Variants in ACADM observed in about 807,000 individuals in gnomAD.
ACADM encodes medium-chain specific acyl-CoA dehydrogenase, mitochondrial.
Under a neutral mutation model 58.9 loss-of-function variants are expected in ACADM, and 49 were observed. That is an observed-to-expected ratio of 0.83 (90% CI 0.66 to 1.06). The LOEUF (loss-of-function observed/expected upper bound fraction) is 1.06. ACADM is among the 50% of genes least tolerant of loss of function. The pLI is 0.00. For missense variants in ACADM, 496 were observed against 507.0 expected, an observed-to-expected ratio of 0.98 and a Z score of 0.21; for synonymous variants, 160 against 157.7, an observed-to-expected ratio of 1.01 and a Z score of -0.11.
chr1:75,726,929 C>T (rs1432604172), intron 1 of ACADM, among the ~76,000 whole-genome samples: 1 of 151,646 alleles, frequency 6.6e-6, no homozygotes, highest in Non-Finnish European at 1.5e-5. Flanking sequence ...CTCAGCGTCC[C>T]GAGTAGCTGG....
Position 75,745,860 on chromosome 1 carries a change from C to T in ACADM, c.654C>T (p.Ala218=), listed in dbSNP as rs1490104305. 1.2e-6 allele frequency: 2 copies of T among 1,613,804 alleles called. No homozygotes were observed. Among genetic ancestry groups the T allele is most frequent in the South Asian group, 1.1e-5 (1 of 91,078 alleles). ...DPDPKAPANK[A]FTGFIVEADT... ...ATCCTAAAGCTCCTGCTAATAAAGC[C>T]TTTACTGGATTCATTGTGGAAGCAG... Residue 218 remains alanine, a synonymous_variant, in exon 8 of 12, where the codon GCC becomes GCT. Coordinates refer to ENST00000370841, the MANE Select transcript of ACADM (RefSeq NM_000016.6).
intron 6 of ACADM, among the ~76,000 whole-genome samples, chr1:75,739,496 T>C (rs1647447614): frequency 6.6e-6 from 1 of 152,226 alleles, no homozygotes; most frequent in African/African-American, 2.4e-5. Flanking sequence ...CTATGCCTAA[T>C]TTGAATTATA....
chr1:75,724,822 G>C lies in ACADM; in HGVS notation c.30+5G>C. The C allele has an allele frequency of 6.7e-7, 1 of 1,493,616 alleles. No individual in the cohort carries two copies. The highest frequency in any genetic ancestry group is 2.2e-5 in the Admixed American group (1 of 45,128). 92.5% of individuals were successfully genotyped at this position (1,493,616 alleles called of 1,614,324 possible). A position where few individuals can be genotyped will look rare whatever the true frequency, so the allele number is the denominator to read the frequency against. On this transcript the variant is annotated splice_donor_5th_base_variant and intron_variant, in intron 1 of 11. Transcript: ENST00000370841. ...GGGTTCGGGCGATGCTGCAGGGTGA[G>C]AGGGAGCCCAGCGGTGCGGTGGGGC...
chr1:75,732,605 G>T, intron 2 of ACADM, 39 bp from the exon 3 acceptor site: 1 of 1,478,462 alleles, frequency 6.8e-7, no homozygotes, highest in Non-Finnish European at 9.5e-7. Context: ...ATTTTTCCTT[G>T]TTATCCAGTT....
At chr1:75,756,410 A>G (rs1300414241) in intron 10 of ACADM, among the ~76,000 whole-genome samples, 1 of 97,762 alleles carries the variant, frequency 1.0e-5, no homozygotes, top group East Asian at 3.4e-4. Context: ...AAGCATTCCT[A>G]TACACCAACA....
chr1:75,743,381 T>C (rs961564049), intron 7 of ACADM: 2 of 1,596,236 alleles, frequency 1.3e-6, no homozygotes, highest in African/African-American at 2.7e-5. Flanking sequence ...GGTTTTCAGT[T>C]CCTGCATGAT....
At chr1:75,729,273 T>A (rs1647105134) in intron 2 of ACADM, among the ~76,000 whole-genome samples, 1 of 145,848 alleles carries the variant, frequency 6.9e-6, no homozygotes. Context: ...ATTTTTCTTT[T>A]CTTTTTCTTT....
chr1:75,734,921 G>A lies in ACADM; in HGVS notation c.468+50G>A, dbSNP rs1306113419. 3 of 1,406,108 alleles carry A rather than the reference G, an allele frequency of 2.1e-6. No homozygotes were observed. In the African/African-American group the frequency reaches 4.3e-5, roughly 20 times the overall value. The allele number at this position is 1,406,108 out of a possible 1,614,324, so 87.1% of individuals were successfully genotyped here. ...ATTTCACACTTAAGAAGGGAACAAAGGTGCTATTTCTCCTTTTCAGTCTAT... is the reference window on the plus strand; with the variant it reads ...ATTTCACACTTAAGAAGGGAACAAAAGTGCTATTTCTCCTTTTCAGTCTAT... On this transcript the variant is annotated intron_variant, in intron 6 of 11. Transcript: ENST00000370841.
intron 10 of ACADM, among the ~76,000 whole-genome samples, chr1:75,759,964 A>G (rs767099655): frequency 6.6e-5 from 10 of 151,660 alleles, no homozygotes; most frequent in African/African-American, 9.7e-5. Flanking sequence ...CCCAGCCAGC[A>G]ATTTCTTCTA....
chr1:75,739,646 T>A (rs770868368), intron 6 of ACADM, among the ~76,000 whole-genome samples: 2 of 151,936 alleles, frequency 1.3e-5, no homozygotes, highest in Non-Finnish European at 2.9e-5. Flanking sequence ...CTACAAAAAA[T>A]TTAAAATTAG....
chr1:75,737,326 A>ATG (rs1491029249), intron 6 of ACADM, among the ~76,000 whole-genome samples: 19 of 108,588 alleles, frequency 1.7e-4, no homozygotes, highest in Non-Finnish European at 3.2e-4. Flanking sequence ...ATATATATAT[A>ATG]TGAAACCAAA....
intron 2 of ACADM, among the ~76,000 whole-genome samples, chr1:75,729,018 T>G (rs908524779): frequency 1.3e-5 from 2 of 152,110 alleles, no homozygotes; most frequent in African/African-American, 4.8e-5. Context: ...AATATCTATC[T>G]TTGGCATTCT....
intron 1 of ACADM, 86 bp downstream of exon 1, chr1:75,724,903 G>C (rs1557438098): frequency 2.3e-6 from 3 of 1,305,136 alleles, no homozygotes; most frequent in Non-Finnish European, 3.0e-6. Context: ...AAATAGGTGC[G>C]GCCGGGAGGA....
rs1251075 is a variant in ACADM, at chr1:75,724,884, C to G, written c.30+67C>G. The G allele has an allele frequency of 0.33, 442,917 of 1,346,014 alleles. 76,973 individuals are homozygous for G. Among genetic ancestry groups the G allele is most frequent in the African/African-American group, 0.55 (36,728 of 66,532 alleles). 83.4% of individuals were successfully genotyped at this position (1,346,014 alleles called of 1,614,324 possible). On this transcript the variant is annotated intron_variant, in intron 1 of 11. Transcript: ENST00000370841. The stretch of plus-strand genomic sequence containing the variant: ...TATTGTGGTGTCGGAGCAGGGGGCC[C>G]TGGGCCAAAAATAGGTGCGGCCGGG...
chr1:75,743,870 C>CA, intron 7 of ACADM: 1 of 1,421,004 alleles, frequency 7.0e-7, no homozygotes, highest in East Asian at 2.3e-5. Flanking sequence ...GTTATATCAT[C>CA]AATCACTGCG....
intron 7 of ACADM, among the ~76,000 whole-genome samples, chr1:75,745,201 T>C (rs967899367): frequency 6.6e-6 from 1 of 152,130 alleles, no homozygotes; most frequent in Non-Finnish European, 1.5e-5. Flanking sequence ...GTTATGTAAA[T>C]GTAGGCCAGG....
intron 10 of ACADM, among the ~76,000 whole-genome samples, chr1:75,755,949 T>C (rs533994673): frequency 6.6e-6 from 1 of 152,270 alleles, no homozygotes; most frequent in South Asian, 2.1e-4. Context: ...ATCCATCACA[T>C]ACAGAACCAA....
At chr1:75,729,459 T>TG (rs1321690386) in intron 2 of ACADM, among the ~76,000 whole-genome samples, 5 of 148,810 alleles carry the variant, frequency 3.4e-5, no homozygotes, top group Non-Finnish European at 4.5e-5. Context: ...TTCTGTGTTT[T>TG]TTTTTTTTTT....
At chr1:75,756,553 A>C (rs942799115) in intron 10 of ACADM, among the ~76,000 whole-genome samples, 10 of 152,202 alleles carry the variant, frequency 6.6e-5, no homozygotes, top group Non-Finnish European at 1.3e-4. Context: ...CACTCAATGA[A>C]ATAAAAGAGG....
Sources: gnomAD v4.1 joint callset for allele counts (sites outside exome capture counted in the v4.1 genomes callset) on GRCh38, gnomAD v4.1.1 for gene constraint, MANE v1.5 for transcripts, NCBI Gene and HGNC (gene_info 2026-07-23, HGNC 2026-07-21) for gene names.